PAWR: variants seen among roughly 807,000 people sequenced by gnomAD.
The protein encoded by PAWR is PRKC apoptosis WT1 regulator protein.
PAWR carries 23 observed loss-of-function variants against 32.0 expected under a neutral mutation model. That is an observed-to-expected ratio of 0.72 (90% CI 0.52 to 1.02). PAWR has a LOEUF of 1.02. Among genes scored for constraint, PAWR ranks in the 50% least tolerant of loss-of-function variants. PAWR has a pLI of 0.00. For missense variants in PAWR, 457 were observed against 437.7 expected (o/e 1.04, Z -0.39); for synonymous variants, 226 against 187.1 (o/e 1.21, Z -1.70).
At chr12:79,642,601 T>C (rs1876378711) in intron 2 of PAWR, among the ~76,000 whole-genome samples, 1 of 152,110 alleles carries the variant, frequency 6.6e-6, no homozygotes, top group African/African-American at 2.4e-5. Flanking sequence ...CCTTGGTCTC[T>C]CTCTCCCCCT....
At chr12:79,645,256 T>C (rs1477766250) in intron 2 of PAWR, among the ~76,000 whole-genome samples, 1 of 152,186 alleles carries the variant, frequency 6.6e-6, no homozygotes, top group Non-Finnish European at 1.5e-5. Flanking sequence ...TATTAGGACA[T>C]AAATACTTAT....
chr12:79,633,397 TGTCATTA>T (rs1875809024), intron 2 of PAWR, among the ~76,000 whole-genome samples: 1 of 152,120 alleles, frequency 6.6e-6, no homozygotes, highest in Non-Finnish European at 1.5e-5. Context: ...CTCAACATCA[TGTCATTA>T]GGGAAATGCA....
rs376080310 is a variant in PAWR, at chr12:79,645,495, A to T, written c.517-24288T>A. Among the ~76,000 whole-genome samples, 9 of 152,284 alleles carry T rather than the reference A, an allele frequency of 5.9e-5. 1 individual carries two copies. Among genetic ancestry groups the T allele is most frequent in the African/African-American group, 2.2e-4 (9 of 41,566 alleles). On this transcript the variant is annotated intron_variant, in intron 2 of 6. Transcript: ENST00000328827. ...TACCCAAAGGCCATTAGTGCTGTGT[A>T]AGGGCTAGTATACTCTATTTACAAA...
chr12:79,659,963 CT>C (rs1166529117), intron 2 of PAWR, among the ~76,000 whole-genome samples: 2 of 152,096 alleles, frequency 1.3e-5, no homozygotes, highest in African/African-American at 4.8e-5. Context: ...TCTTAAGTAA[CT>C]ATTATACTAG....
chr12:79,690,225 C>T lies in PAWR; in HGVS notation c.20G>A (p.Arg7Gln). 6.6e-7 allele frequency: 1 copy of T among 1,518,466 alleles called. No individual in the cohort carries two copies. The highest frequency in any genetic ancestry group is 1.4e-5 in the African/African-American group (1 of 70,352). The allele number at this position is 1,518,466 out of a possible 1,614,324, so 94.1% of individuals were successfully genotyped here. MATGGY[R>Q]TSSGLGGSTT... is the part of the protein sequence containing the mutation. Reference sequence around the variant, plus strand: ...GCTGCCGCCGAGGCCGCTGCTGGTCCGGTAGCCACCGGTCGCCATATTCCC... The same window carrying T: ...GCTGCCGCCGAGGCCGCTGCTGGTCTGGTAGCCACCGGTCGCCATATTCCC... The change falls in exon 2 of 7, where the codon CGG (arginine) becomes CAG (glutamine). Residue 7 changes from arginine to glutamine, a missense_variant. Arg to Gln is a conservative substitution (Grantham distance 43). Coordinates refer to ENST00000328827, the MANE Select transcript of PAWR (RefSeq NM_002583.4).
At chr12:79,684,624 AAAAG>A (rs899553257) in intron 2 of PAWR, among the ~76,000 whole-genome samples, 8 of 152,120 alleles carry the variant, frequency 5.3e-5, no homozygotes, top group South Asian at 4.1e-4. Flanking sequence ...CCTCAAAAAA[AAAAG>A]AAAGAAAGAA....
intron 2 of PAWR, among the ~76,000 whole-genome samples, chr12:79,645,688 T>C (rs1876542063): frequency 6.6e-6 from 1 of 152,188 alleles, no homozygotes; most frequent in South Asian, 2.1e-4. Context: ...CTAAAACTCA[T>C]AAATTAATAG....
intron 2 of PAWR, among the ~76,000 whole-genome samples, chr12:79,624,137 A>T (rs1875165374): frequency 6.6e-6 from 1 of 152,192 alleles, no homozygotes; most frequent in South Asian, 2.1e-4. Flanking sequence ...TTAAAGTTGG[A>T]ATTCTTAAAT....
At chr12:79,641,558 C>G (rs1335715715) in intron 2 of PAWR, among the ~76,000 whole-genome samples, 1 of 151,978 alleles carries the variant, frequency 6.6e-6, no homozygotes, top group East Asian at 1.9e-4. Flanking sequence ...TTAAGAAAGT[C>G]ATATGATTGG....
At chr12:79,686,572 A>G (rs1878688808) in intron 2 of PAWR, among the ~76,000 whole-genome samples, 3 of 152,224 alleles carry the variant, frequency 2.0e-5, no homozygotes. Flanking sequence ...GAATTGAATT[A>G]GCATGAGCAA....
chr12:79,655,651 T>C (rs1254546022), intron 2 of PAWR, among the ~76,000 whole-genome samples: 4 of 152,214 alleles, frequency 2.6e-5, no homozygotes, highest in Admixed American at 6.5e-5. Context: ...AGATACTACA[T>C]TTCCAACAAT....
chr12:79,671,910 A>C (rs546065108), intron 2 of PAWR, among the ~76,000 whole-genome samples: 6 of 152,326 alleles, frequency 3.9e-5, no homozygotes, highest in African/African-American at 1.4e-4. Flanking sequence ...TCTAAAAATA[A>C]AAATATTAAA....
At position 79,618,766 on chromosome 12, in the gene PAWR, G is replaced by C. The variant is rs117465299; in HGVS notation, c.648+2310C>G. On this transcript the variant is annotated intron_variant, in intron 3 of 6. Coordinates refer to ENST00000328827, the MANE Select transcript of PAWR (RefSeq NM_002583.4). ...AGGAAAATGCTTGACATTCTTACATGGTAGAACAAAATTCCACACAAATAT... is the reference window on the plus strand; with the variant it reads ...AGGAAAATGCTTGACATTCTTACATCGTAGAACAAAATTCCACACAAATAT... Among the ~76,000 whole-genome samples the C allele has an allele frequency of 1.3e-3, 192 of 152,160 alleles. 1 individual carries two copies. In the East Asian group the frequency reaches 0.033, roughly 26 times the overall value.
intron 4 of PAWR, 84 bp downstream of exon 4, chr12:79,613,491 T>C (rs1367072995): frequency 3.1e-6 from 2 of 635,116 alleles, no homozygotes; most frequent in Admixed American, 5.3e-5. Flanking sequence ...TTCAAAAAGC[T>C]GCTTTAAATA....
At chr12:79,640,340 A>G (rs1876260791) in intron 2 of PAWR, among the ~76,000 whole-genome samples, 1 of 152,124 alleles carries the variant, frequency 6.6e-6, no homozygotes, top group Admixed American at 6.5e-5. Flanking sequence ...ACTCAGTCCT[A>G]TTTGCTGTAA....
chr12:79,648,414 A>T (rs1257630714), intron 2 of PAWR, among the ~76,000 whole-genome samples: 1 of 152,110 alleles, frequency 6.6e-6, no homozygotes, highest in African/African-American at 2.4e-5. Flanking sequence ...TCCACTTTTC[A>T]ATTAAACAAA....
chr12:79,613,404 C>G (rs1177613518), intron 4 of PAWR, among the ~76,000 whole-genome samples, 171 bp downstream of exon 4: 1 of 152,098 alleles, frequency 6.6e-6, no homozygotes, highest in Admixed American at 6.5e-5. Flanking sequence ...TCAGAATAAG[C>G]CATGGTCAGG....
intron 2 of PAWR, among the ~76,000 whole-genome samples, chr12:79,687,173 C>A (rs546877679): frequency 6.6e-6 from 1 of 152,156 alleles, no homozygotes; most frequent in Non-Finnish European, 1.5e-5. Flanking sequence ...CTGGATAGAT[C>A]GACTTCAGCC....
chr12:79,605,768 C>A (rs558350827), intron 4 of PAWR, among the ~76,000 whole-genome samples: 1 of 151,946 alleles, frequency 6.6e-6, no homozygotes, highest in Non-Finnish European at 1.5e-5. Context: ...TAGCAAATGA[C>A]GAGACACAAA....
Sources: gnomAD v4.1 joint callset for allele counts (sites outside exome capture counted in the v4.1 genomes callset) on GRCh38, gnomAD v4.1.1 for gene constraint, MANE v1.5 for transcripts, NCBI Gene and HGNC (gene_info 2026-07-23, HGNC 2026-07-21) for gene names.